The following TRAF5 variants were observed in gnomAD, a reference collection of about 807,000 sequenced individuals.
TRAF5 encodes TNF receptor associated factor 5.
TRAF5 carries 48 observed loss-of-function variants against 64.5 expected under a neutral mutation model. The ratio of observed to expected loss-of-function variants is 0.74; its 90% CI spans 0.59 to 0.95. The LOEUF (loss-of-function observed/expected upper bound fraction) is 0.95, where lower values mean the gene tolerates loss of function less well. TRAF5 is among the 40% of genes least tolerant of loss of function. The pLI, the probability that TRAF5 is intolerant of heterozygous loss-of-function variation, is 0.00. For synonymous variants in TRAF5, 206 were observed against 240.5 expected (o/e 0.86, Z 1.33); for missense variants, 545 against 662.8 (o/e 0.82, Z 1.95).
intron 1 of TRAF5, among the ~76,000 whole-genome samples, chr1:211,338,862 C>A (rs1702374180): frequency 6.6e-6 from 1 of 152,134 alleles, no homozygotes; most frequent in Non-Finnish European, 1.5e-5. Context: ...TGAGCTCAGA[C>A]AATCCGCCTG....
intron 1 of TRAF5, among the ~76,000 whole-genome samples, chr1:211,337,000 G>A (rs1208151187): frequency 1.2e-4 from 19 of 152,168 alleles, no homozygotes; most frequent in African/African-American, 3.4e-4. Flanking sequence ...CCAAAGTGCC[G>A]GGATTAAAGG....
chr1:211,371,253 A>T (rs1703510740), intron 9 of TRAF5, 49 bp from the exon 10 acceptor site: 1 of 1,509,590 alleles, frequency 6.6e-7, no homozygotes, highest in Non-Finnish European at 8.8e-7. Flanking sequence ...ATGAATTGCT[A>T]AAATATTAAC....
In TRAF5 at chr1:211,369,513, C is replaced by G. The variant is rs1258105813; in HGVS notation, c.851C>G (p.Thr284Ser). 6.2e-7 allele frequency: 1 copy of G among 1,611,532 alleles called. No homozygotes were observed. Among genetic ancestry groups the G allele is most frequent in the South Asian group, 1.1e-5 (1 of 90,250 alleles). The stretch of plus-strand genomic sequence containing the variant: ...AGTAAAATCCAGCAGCTAGCAGAAA[C>G]TATAAAGAAACTTGAAAAGGAGTTC... ...KESKIQQLAE[T>S]IKKLEKEFKQ... The change falls in exon 9 of 11, where the codon ACT becomes AGT. Residue 284 changes from threonine (T) to serine (S), a missense_variant. Thr to Ser is a moderately conservative substitution (Grantham distance 58). Coordinates refer to ENST00000261464, the MANE Select transcript of TRAF5 (RefSeq NM_001033910.3).
rs570854598 is a variant in TRAF5, at chr1:211,336,975, G to A, written c.-2+10086G>A. 1.7e-4 allele frequency among the ~76,000 whole-genome samples: 26 copies of A among 152,324 alleles called. 1 individual carries two copies. Among genetic ancestry groups the A allele is most frequent in the African/African-American group, 5.8e-4 (24 of 41,576 alleles). ...CACCTGGCCAGACCTCAACTGATCCGCTCGCCTCGGCCTTCCAAAGTGCCG... is the reference window on the plus strand; with the variant it reads ...CACCTGGCCAGACCTCAACTGATCCACTCGCCTCGGCCTTCCAAAGTGCCG... On this transcript the variant is annotated intron_variant, in intron 1 of 10. Transcript: ENST00000261464.
intron 1 of TRAF5, among the ~76,000 whole-genome samples, chr1:211,346,973 T>C (rs1430603906): frequency 6.6e-6 from 1 of 152,186 alleles, no homozygotes; most frequent in African/African-American, 2.4e-5. Context: ...TCTTTTGGCT[T>C]GAGTTAACAA....
At chr1:211,341,518 T>G (rs1702447447) in intron 1 of TRAF5, among the ~76,000 whole-genome samples, 1 of 152,218 alleles carries the variant, frequency 6.6e-6, no homozygotes, top group South Asian at 2.1e-4. Flanking sequence ...TGCCGACTTA[T>G]TCCAGGTAGA....
chr1:211,341,295 G>A (rs1256694807), intron 1 of TRAF5, among the ~76,000 whole-genome samples: 7 of 152,160 alleles, frequency 4.6e-5, no homozygotes, highest in African/African-American at 9.7e-5. Context: ...GCTGGGAGGA[G>A]AACCAACAAA....
At chr1:211,359,731 C>A (rs1703109583) in intron 4 of TRAF5, 181 bp from the exon 5 acceptor site, 5 of 588,966 alleles carry the variant, frequency 8.5e-6, no homozygotes, top group Non-Finnish European at 1.4e-5. Flanking sequence ...CCTCCCCATG[C>A]CCTCTCCTCA....
intron 1 of TRAF5, among the ~76,000 whole-genome samples, chr1:211,339,861 C>T (rs1003182007): frequency 2.0e-5 from 3 of 152,204 alleles, no homozygotes; most frequent in Non-Finnish European, 2.9e-5. Context: ...ACCCCAGCCA[C>T]AGTCCTCCCA....
At chr1:211,327,246 G>T (rs954818866) in intron 1 of TRAF5, among the ~76,000 whole-genome samples, 4 of 152,182 alleles carry the variant, frequency 2.6e-5, no homozygotes, top group Admixed American at 6.5e-5. Context: ...GCCAGGTTCC[G>T]TCGGGGTGCA....
rs202021817 is a variant in TRAF5 at position 211,373,735 on chromosome 1, T to C, written c.*1033T>C. 1 of 152,296 alleles carries C rather than the reference T, an allele frequency of 6.6e-6. No individual in the cohort carries two copies. Among genetic ancestry groups the C allele is most frequent in the East Asian group, 1.9e-4 (1 of 5,180 alleles). The allele number at this position is 152,296 out of a possible 1,614,324, so 9.4% of individuals were successfully genotyped here. A position where few individuals can be genotyped will look rare whatever the true frequency, so the allele number is the denominator to read the frequency against. On this transcript the variant is annotated 3_prime_UTR_variant, in exon 11 of 11. Transcript: ENST00000261464. ...ATGGCTAAAACAGTATCTACTATTC[T>C]CTGATAACTTTTTTTTTGAGACAGA...
chr1:211,357,533 C>T (rs956555789), intron 4 of TRAF5: 32 of 152,162 alleles, frequency 2.1e-4, no homozygotes, highest in Non-Finnish European at 3.4e-4. Flanking sequence ...TTATGGAGAG[C>T]AGGGCCTGGG....
chr1:211,366,042 G>A (rs563242484), intron 8 of TRAF5, among the ~76,000 whole-genome samples: 2 of 152,302 alleles, frequency 1.3e-5, no homozygotes, highest in East Asian at 3.9e-4. Flanking sequence ...GCAAATGCCT[G>A]CCATAGTGCC....
intron 4 of TRAF5, 36 bp downstream of exon 4, chr1:211,356,504 AT>A: frequency 3.1e-6 from 5 of 1,588,948 alleles, no homozygotes; most frequent in South Asian, 1.1e-5. Context: ...TGCTTTTGCC[AT>A]TTTTCCAGGA....
chr1:211,365,582 A>G, intron 8 of TRAF5, 114 bp downstream of exon 8: 2 of 837,632 alleles, frequency 2.4e-6, no homozygotes. Context: ...AATTAGAGGT[A>G]GATGTTTTTC....
At chr1:211,327,093 G>A (rs1702035455) in intron 1 of TRAF5, among the ~76,000 whole-genome samples, 1 of 152,064 alleles carries the variant, frequency 6.6e-6, no homozygotes, top group East Asian at 1.9e-4. Context: ...CGGGAGACCG[G>A]CGGGGCAGGT....
intron 1 of TRAF5, among the ~76,000 whole-genome samples, chr1:211,328,117 A>C (rs6684356): frequency 0.92 from 139,526 of 152,280 alleles, 64,186 homozygotes; most frequent in Middle Eastern, 0.98. Context: ...TGGGCTAGGA[A>C]CTCTCAAATC....
chr1:211,330,725 C>T (rs1012530445), intron 1 of TRAF5, among the ~76,000 whole-genome samples: 3 of 152,194 alleles, frequency 2.0e-5, no homozygotes, highest in African/African-American at 4.8e-5. Context: ...CCAGCCCACG[C>T]TGCAGCTATT....
chr1:211,350,744 CAG>C (rs1702761144), intron 1 of TRAF5, among the ~76,000 whole-genome samples: 1 of 152,232 alleles, frequency 6.6e-6, no homozygotes, highest in African/African-American at 2.4e-5. Flanking sequence ...TTATAAACAA[CAG>C]AGGTTTCTGA....
Sources: allele counts gnomAD v4.1 joint callset (sites outside exome capture counted in the v4.1 genomes callset), GRCh38; gene constraint gnomAD v4.1.1; transcripts MANE v1.5; gene names NCBI Gene and HGNC (gene_info 2026-07-23, HGNC 2026-07-21).